NRK: variants seen among roughly 807,000 people sequenced by gnomAD.
The protein encoded by NRK is Nik related kinase, also known as nik-related protein kinase.
A neutral mutation model predicts 125.2 loss-of-function variants in NRK; 67 were observed. The observed-to-expected ratio is 0.54, with a 90% CI of 0.44 to 0.66. NRK has a LOEUF of 0.66. Among genes scored for constraint, NRK ranks in the 30% least tolerant of loss-of-function variants. NRK has a pLI of 0.00. For missense variants in NRK, 1,224 were observed against 1,192.9 expected, an observed-to-expected ratio of 1.03 and a Z score of -0.38; for synonymous variants, 458 against 429.0, an observed-to-expected ratio of 1.07 and a Z score of -0.84.
chrX:105,898,785 G>A, intron 8 of NRK, 71 bp downstream of exon 8: 6 of 903,006 alleles, frequency 6.6e-6, no homozygotes, highest in African/African-American at 2.1e-5. Context: ...TATTTTTAAT[G>A]ATAAAACAAA....
chrX:105,856,008 G>A (rs1479225199), intron 2 of NRK, among the ~76,000 whole-genome samples: 1 of 111,149 alleles, frequency 9.0e-6, no homozygotes, highest in Non-Finnish European at 1.9e-5. Flanking sequence ...TGCTTCTATT[G>A]ATCAGTTTCC....
chrX:105,940,836 G>C, intron 23 of NRK, among the ~76,000 whole-genome samples: 1 of 111,588 alleles, frequency 9.0e-6, no homozygotes, highest in Non-Finnish European at 1.9e-5. Flanking sequence ...GTGAGAAATA[G>C]CTGGAATCAC....
chrX:105,889,288 A>C (rs1025224586), intron 5 of NRK, among the ~76,000 whole-genome samples: 6 of 112,451 alleles, frequency 5.3e-5, no homozygotes, highest in Non-Finnish European at 9.4e-5. Flanking sequence ...CAGGTCATGC[A>C]GATGCAAGAG....
Position 105,822,855 on chromosome X carries a change from C to G in NRK, c.10C>G (p.Pro4Ala). Residue 4 changes from proline to alanine, a missense_variant, in exon 1 of 29, where the codon CCT becomes GCT. Physicochemically the swap from Pro to Ala is conservative, Grantham distance 27. Transcript: ENST00000243300. MAG[P>A]GGWRDREVTD... ...TCGGCTCCTCGAAGCCATGGCGGGA[C>G]CTGGGGGCTGGAGGGACAGGGAGGT... The G allele has an allele frequency of 2.6e-6, 3 of 1,171,870 alleles. No homozygotes were observed. Among genetic ancestry groups the G allele is most frequent in the Middle Eastern group, 2.3e-4 (1 of 4,314 alleles).
intron 27 of NRK, 39 bp from the exon 28 acceptor site, chrX:105,952,995 A>T (rs368196163): frequency 1.2e-5 from 13 of 1,061,083 alleles, no homozygotes; most frequent in Non-Finnish European, 1.6e-5. Flanking sequence ...GGCCAGAAAG[A>T]TTTTGTGTTT....
intron 4 of NRK, among the ~76,000 whole-genome samples, chrX:105,882,254 C>A (rs2039892945): frequency 9.2e-6 from 1 of 108,754 alleles, no homozygotes; most frequent in African/African-American, 3.3e-5. Flanking sequence ...ACGTGCCCAC[C>A]CCCCCGCTTT....
intron 4 of NRK, among the ~76,000 whole-genome samples, chrX:105,887,335 A>G (rs751109344): frequency 2.7e-5 from 3 of 112,170 alleles, no homozygotes; most frequent in South Asian, 7.4e-4. Context: ...GATGCTCAAC[A>G]TCATTAGTCA....
rs1280641092 is a variant in NRK, at chrX:105,822,581, G to T, written c.-265G>T. ...CACGGAGCACCCTTCTAGCTTCTTC[G>T]TCTCCAGGACTGACGCTCAGGCTCC... On this transcript the variant is annotated 5_prime_UTR_variant, in exon 1 of 29. Coordinates refer to ENST00000243300, the MANE Select transcript of NRK (RefSeq NM_198465.4). 2 of 403,353 alleles carry T rather than the reference G, an allele frequency of 5.0e-6. No homozygotes were observed. The highest frequency in any genetic ancestry group is 2.6e-5 in the African/African-American group (1 of 38,936). 33.2% of individuals were successfully genotyped at this position (403,353 alleles called of 1,213,427 possible).
In NRK at chrX:105,850,917, C is replaced by A. The variant is rs372685928; in HGVS notation, c.123+19798C>A. Among the ~76,000 whole-genome samples, 4 of 112,453 alleles carry A rather than the reference C, an allele frequency of 3.6e-5. No individual in the cohort carries two copies. The East Asian group carries it at 8.4e-4, about 24-fold the overall frequency. On this transcript the variant is annotated intron_variant, in intron 2 of 28. Coordinates refer to ENST00000243300, the MANE Select transcript of NRK (RefSeq NM_198465.4). ...AACTGTTCCAACCTCTGCCTATTAC[C>A]CAGTTCCAAAGTCACTTTTTGGGTA...
intron 6 of NRK, among the ~76,000 whole-genome samples, chrX:105,894,889 C>T (rs761363959): frequency 4.8e-4 from 54 of 112,085 alleles, no homozygotes; most frequent in Non-Finnish European, 9.0e-4. Flanking sequence ...TTGCATACCA[C>T]ATCATGGGTT....
In NRK at chrX:105,915,730, G is replaced by C. The variant is rs766984351; in HGVS notation, c.2350G>C (p.Val784Leu). The change falls in exon 15 of 29, where the codon GTT (valine) becomes CTT (leucine). Residue 784 changes from valine (V) to leucine (L), a missense_variant and splice_region_variant. Physicochemically the swap from Val to Leu is conservative, Grantham distance 32 (BLOSUM62 1). Coordinates refer to ENST00000243300, the MANE Select transcript of NRK (RefSeq NM_198465.4). ...TGAAGTATTGCATTGTGTCTTTAAGGTTCAAGAGAGATCTCCTTCTGTGCC... is the reference window on the plus strand; with the variant it reads ...TGAAGTATTGCATTGTGTCTTTAAGCTTCAAGAGAGATCTCCTTCTGTGCC... ...PYISNPKKIE[V>L]QERSPSVPNN... 12 of 1,116,096 alleles carry C rather than the reference G, an allele frequency of 1.1e-5. No individual in the cohort carries two copies. In the African/African-American group the frequency reaches 1.8e-4, roughly 17 times the overall value. 92.0% of individuals were successfully genotyped at this position (1,116,096 alleles called of 1,213,427 possible).
chrX:105,942,818 T>C (rs1275366251), intron 23 of NRK, among the ~76,000 whole-genome samples: 1 of 109,681 alleles, frequency 9.1e-6, no homozygotes, highest in Non-Finnish European at 1.9e-5. Flanking sequence ...AGAGATGGGG[T>C]TTCACCATGT....
intron 2 of NRK, among the ~76,000 whole-genome samples, chrX:105,858,017 C>G (rs984233115): frequency 4.5e-5 from 5 of 111,258 alleles, no homozygotes; most frequent in African/African-American, 1.6e-4. Context: ...ATGTATCCTA[C>G]TGTTCTCTTC....
In NRK at chrX:105,897,068, A is replaced by C. The variant is rs1299318; in HGVS notation, c.581-1516A>C. Among the ~76,000 whole-genome samples, 776 of 112,262 alleles carry C rather than the reference A, an allele frequency of 6.9e-3. 8 individuals are homozygous for C. The highest frequency in any genetic ancestry group is 0.062 in the South Asian group (168 of 2,700). ...AAAAACCACTGAAATATCTGTCACA[A>C]TGTCCATGCACTAAAGTTCATGTAC... is the stretch of plus-strand genomic sequence containing the variant. On this transcript the variant is annotated intron_variant, in intron 7 of 28. Coordinates refer to ENST00000243300, the MANE Select transcript of NRK (RefSeq NM_198465.4).
intron 5 of NRK, among the ~76,000 whole-genome samples, chrX:105,892,742 T>A (rs765727439): frequency 9.0e-6 from 1 of 111,661 alleles, no homozygotes; most frequent in Non-Finnish European, 1.9e-5. Flanking sequence ...TCTTCTTCTT[T>A]TTGGTGAAAG....
At chrX:105,920,835 G>T (rs1442414200) in intron 16 of NRK, among the ~76,000 whole-genome samples, 18 of 103,437 alleles carry the variant, frequency 1.7e-4, no homozygotes, top group Admixed American at 1.6e-3. Flanking sequence ...GAAACAACAG[G>T]TGCTGGAGAG....
chrX:105,850,955 T>C (rs1379235555), intron 2 of NRK, among the ~76,000 whole-genome samples: 1 of 112,298 alleles, frequency 8.9e-6, no homozygotes, highest in African/African-American at 3.2e-5. Flanking sequence ...TTTTCAGCAA[T>C]GCCCCACTCT....
At chrX:105,892,724 T>G (rs759468729) in intron 5 of NRK, among the ~76,000 whole-genome samples, 4 of 111,877 alleles carry the variant, frequency 3.6e-5, no homozygotes, top group Admixed American at 2.9e-4. Context: ...TCGTTTTGTT[T>G]GGCTGTCTCT....
intron 2 of NRK, among the ~76,000 whole-genome samples, chrX:105,848,356 T>C (rs955199105): frequency 1.8e-5 from 2 of 112,163 alleles, no homozygotes; most frequent in African/African-American, 6.5e-5. Flanking sequence ...CAGGTAGTTA[T>C]CCTCTAAGTA....
Sources: gnomAD v4.1 joint callset for allele counts (sites outside exome capture counted in the v4.1 genomes callset) on GRCh38, gnomAD v4.1.1 for gene constraint, MANE v1.5 for transcripts, NCBI Gene and HGNC (gene_info 2026-07-23, HGNC 2026-07-21) for gene names.